Variants in HECW1 observed in about 807,000 individuals in gnomAD.
HECW1 encodes HECT, C2 and WW domain containing E3 ubiquitin protein ligase 1.
Under a neutral mutation model 182.3 loss-of-function variants are expected in HECW1, and 61 were observed. The observed-to-expected ratio is 0.33, with a 90% CI of 0.27 to 0.41. The LOEUF (loss-of-function observed/expected upper bound fraction) is 0.41. Among genes scored for constraint, HECW1 ranks in the 10% least tolerant of loss-of-function variants. The probability of loss-of-function intolerance (pLI) is 1.00; values close to 1 mark genes in which losing one functional copy is unlikely to be tolerated. For missense variants in HECW1, 1,739 were observed against 2,108.9 expected (o/e 0.82, Z 3.44); for synonymous variants, 859 against 832.6 (o/e 1.03, Z -0.55).
At chr7:43,276,347 A>C (rs1168436301) in intron 3 of HECW1, among the ~76,000 whole-genome samples, 5 of 152,176 alleles carry the variant, frequency 3.3e-5, no homozygotes, top group Non-Finnish European at 5.9e-5. Flanking sequence ...CCAGCAAGTA[A>C]ATAGAGACCT....
At chr7:43,255,649 A>G (rs1800490842) in intron 3 of HECW1, among the ~76,000 whole-genome samples, 1 of 151,746 alleles carries the variant, frequency 6.6e-6, no homozygotes. Context: ...TTTTCAACAG[A>G]TTTATTCATA....
intron 2 of HECW1, among the ~76,000 whole-genome samples, chr7:43,136,806 T>G (rs769933239): frequency 7.2e-5 from 11 of 152,128 alleles, no homozygotes; most frequent in Non-Finnish European, 1.6e-4. Flanking sequence ...TTGGGGAGCA[T>G]TATAGTCAAT....
intron 5 of HECW1, among the ~76,000 whole-genome samples, chr7:43,336,067 C>G (rs1812142830): frequency 7.4e-6 from 1 of 135,536 alleles, no homozygotes; most frequent in Non-Finnish European, 1.6e-5. Flanking sequence ...CTCTCTCTTT[C>G]TTCCCCTCCC....
chr7:43,192,256 G>A lies in HECW1; in HGVS notation c.-31-51619G>A, dbSNP rs1053430439. Among the ~76,000 whole-genome samples, 5 of 152,132 alleles carry A rather than the reference G, an allele frequency of 3.3e-5. No homozygotes were observed. In the East Asian group the frequency reaches 9.6e-4, roughly 29 times the overall value. ...TTACAGGCGTGAGCCACCACGCCTG[G>A]CAAGACCTAGTATTAATAGATCAGT... On this transcript the variant is annotated intron_variant, in intron 2 of 29. Transcript: ENST00000395891.
chr7:43,483,566 T>TTTTTTTTA (rs2078516048), intron 17 of HECW1, among the ~76,000 whole-genome samples: 10 of 149,038 alleles, frequency 6.7e-5, no homozygotes, highest in South Asian at 2.2e-4. Context: ...TTTTTTTTTT[T>TTTTTTTTA]GAGCTAGAGT....
chr7:43,498,393 G>A (rs2079196700), intron 19 of HECW1, among the ~76,000 whole-genome samples: 1 of 152,202 alleles, frequency 6.6e-6, no homozygotes, highest in Non-Finnish European at 1.5e-5. Flanking sequence ...CTTGGGGCAG[G>A]AGGATAACCT....
intron 2 of HECW1, among the ~76,000 whole-genome samples, chr7:43,165,501 C>T (rs1393025247): frequency 6.6e-6 from 1 of 152,116 alleles, no homozygotes; most frequent in African/African-American, 2.4e-5. Flanking sequence ...ATCAATTATC[C>T]GTGAAGGTGT....
rs142622677 is a variant in HECW1 at position 43,328,552 on chromosome 7, G to A, written c.460+7810G>A. 1.4e-3 allele frequency among the ~76,000 whole-genome samples: 218 copies of A among 152,324 alleles called. 3 individuals are homozygous for A. In the East Asian group the frequency reaches 0.022, roughly 15 times the overall value. ...TGTGGCAGTGGAGGGCCCAGCCCAC[G>A]TGGGAAGACAAGACGCAGGCGTGCA... On this transcript the variant is annotated intron_variant, in intron 5 of 29. Coordinates refer to ENST00000395891, the MANE Select transcript of HECW1 (RefSeq NM_015052.5).
chr7:43,472,538 G>C (rs1211665179), intron 16 of HECW1, among the ~76,000 whole-genome samples: 5 of 151,966 alleles, frequency 3.3e-5, no homozygotes, highest in Non-Finnish European at 5.9e-5. Flanking sequence ...TTACCTGAGG[G>C]AAGAAACCAG....
Position 43,341,292 on chromosome 7 carries a change from T to C in HECW1, c.461-19594T>C, listed in dbSNP as rs561748938. On this transcript the variant is annotated intron_variant, in intron 5 of 29. Transcript: ENST00000395891. ...ACCTGCACATTGTGCACATGTACCC[T>C]AGAACTTACAGTATTATAAATAAAT... Among the ~76,000 whole-genome samples the C allele has an allele frequency of 1.2e-4, 18 of 151,000 alleles. 1 individual carries two copies. The highest frequency in any genetic ancestry group is 4.4e-4 in the African/African-American group (18 of 40,776).
At chr7:43,415,690 T>C (rs1467850147) in intron 8 of HECW1, among the ~76,000 whole-genome samples, 4 of 144,576 alleles carry the variant, frequency 2.8e-5, no homozygotes, top group Non-Finnish European at 6.1e-5. Flanking sequence ...TTTGGTCTTT[T>C]CACATAGTCC....
intron 26 of HECW1, among the ~76,000 whole-genome samples, chr7:43,544,070 A>T (rs11771096): frequency 0.16 from 23,732 of 152,208 alleles, 2,177 homozygotes; most frequent in East Asian, 0.34. Flanking sequence ...AAAAATTTTT[A>T]AAAAAGGAAA....
intron 24 of HECW1, among the ~76,000 whole-genome samples, chr7:43,534,395 T>C (rs2081100011): frequency 6.6e-6 from 1 of 152,132 alleles, no homozygotes; most frequent in South Asian, 2.1e-4. Flanking sequence ...TAAAACATGT[T>C]CCCCAACAGT....
intron 24 of HECW1, among the ~76,000 whole-genome samples, chr7:43,513,256 T>C (rs1396405411): frequency 6.6e-6 from 1 of 152,230 alleles, no homozygotes; most frequent in African/African-American, 2.4e-5. Flanking sequence ...CAGTGATAAA[T>C]GCACATGTCC....
At chr7:43,308,045 T>A (rs181829766) in intron 3 of HECW1, among the ~76,000 whole-genome samples, 14,594 of 111,970 alleles carry the variant, frequency 0.13, 1,050 homozygotes, top group Middle Eastern at 0.2. Flanking sequence ...TATATTGTAT[T>A]ATATATAATA....
intron 8 of HECW1, among the ~76,000 whole-genome samples, chr7:43,434,274 AG>A (rs2076641724): frequency 6.6e-6 from 1 of 152,264 alleles, no homozygotes; most frequent in South Asian, 2.1e-4. Flanking sequence ...TTCAATAACC[AG>A]AGAGTCAAAA....
At chr7:43,492,017 A>G (rs1292302134) in intron 17 of HECW1, 58 bp from the exon 18 acceptor site, 1 of 1,272,294 alleles carries the variant, frequency 7.9e-7, no homozygotes, top group African/African-American at 1.5e-5. Flanking sequence ...AACTGGTATC[A>G]AGAGACATCT....
At chr7:43,315,393 G>A (rs1191225922) in intron 4 of HECW1, among the ~76,000 whole-genome samples, 9 of 151,902 alleles carry the variant, frequency 5.9e-5, no homozygotes, top group East Asian at 1.9e-4. Flanking sequence ...AGAGAATGGC[G>A]CTTCTACATC....
rs532985441 is a variant in HECW1, at chr7:43,284,320, A to G, written c.28-27443A>G. 5.6e-3 allele frequency among the ~76,000 whole-genome samples: 853 copies of G among 152,288 alleles called. 6 individuals are homozygous for G. Among genetic ancestry groups the G allele is most frequent in the South Asian group, 0.012 (60 of 4,820 alleles). ...GAATGGCTAAGTCAAGCTAAGTAAC[A>G]TATGCATTATCTCACACACTTCTTA... On this transcript the variant is annotated intron_variant, in intron 3 of 29. Coordinates refer to ENST00000395891, the MANE Select transcript of HECW1 (RefSeq NM_015052.5).
Sources: allele counts gnomAD v4.1 joint callset (sites outside exome capture counted in the v4.1 genomes callset), GRCh38; gene constraint gnomAD v4.1.1; transcripts MANE v1.5; gene names NCBI Gene and HGNC (gene_info 2026-07-23, HGNC 2026-07-21).